Variants in OARD1 observed in about 807,000 individuals in gnomAD.
OARD1 encodes the protein ADP-ribose glycohydrolase OARD1.
In OARD1, 19 loss-of-function variants were observed where a neutral mutation model predicts 19.7. The ratio of observed to expected loss-of-function variants is 0.96; its 90% CI spans 0.67 to 1.41. The LOEUF (loss-of-function observed/expected upper bound fraction) is 1.41, where lower values mean the gene tolerates loss of function less well. Among genes scored for constraint, OARD1 ranks in the 40% most tolerant of loss-of-function variants. The pLI, the probability that OARD1 is intolerant of heterozygous loss-of-function variation, is 0.00. For missense variants in OARD1, 190 were observed against 183.8 expected (o/e 1.03, Z -0.20); for synonymous variants, 70 against 61.8 (o/e 1.13, Z -0.62).
chr6:41,097,493 A>T (rs1273331890), intron 1 of OARD1: 1 of 1,425,048 alleles, frequency 7.0e-7, no homozygotes, highest in Non-Finnish European at 9.9e-7. Flanking sequence ...TGGGACATTG[A>T]TGATCACATT....
chr6:41,082,385 G>C (rs547498138), intron 1 of OARD1, among the ~76,000 whole-genome samples: 47 of 152,184 alleles, frequency 3.1e-4, no homozygotes, highest in Non-Finnish European at 4.6e-4. Flanking sequence ...ACCCCTTGTG[G>C]AATAGGAATG....
At chr6:41,082,624 A>G (rs190065825) in intron 1 of OARD1, among the ~76,000 whole-genome samples, 204 of 152,340 alleles carry the variant, frequency 1.3e-3, no homozygotes, top group Middle Eastern at 3.4e-3. Context: ...AGAAGTGGAA[A>G]CACTTTATGG....
intron 1 of OARD1, among the ~76,000 whole-genome samples, chr6:41,096,581 C>T (rs1764362657): frequency 6.6e-6 from 1 of 152,216 alleles, no homozygotes; most frequent in South Asian, 2.1e-4. Flanking sequence ...TGTTTTTGCT[C>T]ATTGTTCAAG....
intron 1 of OARD1, among the ~76,000 whole-genome samples, chr6:41,088,897 T>C (rs1308061848): frequency 6.6e-6 from 1 of 152,158 alleles, no homozygotes; most frequent in Non-Finnish European, 1.5e-5. Context: ...ATTTTTAATA[T>C]ATATAGTATT....
At chr6:41,080,814 CA>C (rs1433901213) in intron 1 of OARD1, 4 of 1,613,112 alleles carry the variant, frequency 2.5e-6, no homozygotes, top group Non-Finnish European at 2.5e-6. Flanking sequence ...TTCTCAGCAG[CA>C]GGGTGGTGTC....
At chr6:41,075,368 C>G (rs1332772507), upstream of OARD1, 1 of 152,142 alleles carries the variant, frequency 6.6e-6, no homozygotes, top group Non-Finnish European at 1.5e-5. Context: ...GATGTTTTAA[C>G]CTTAGTATTT....
intron 1 of OARD1, among the ~76,000 whole-genome samples, chr6:41,083,693 C>T (rs139036009): frequency 6.6e-6 from 1 of 152,352 alleles, no homozygotes; most frequent in Non-Finnish European, 1.5e-5. Flanking sequence ...CCAGCCTTCA[C>T]TACAGACCAT....
intron 5 of OARD1, among the ~76,000 whole-genome samples, chr6:41,068,273 G>C (rs549588062): frequency 1.3e-5 from 2 of 152,248 alleles, no homozygotes; most frequent in African/African-American, 2.4e-5. Flanking sequence ...TTCCTGAAAA[G>C]AAAGCAAAGG....
chr6:41,068,987 A>G, intron 4 of OARD1, 34 bp from the exon 5 acceptor site: 1 of 1,182,694 alleles, frequency 8.5e-7, no homozygotes, highest in Non-Finnish European at 1.2e-6. Flanking sequence ...TCATCATCCC[A>G]AAATGATAGC....
intron 1 of OARD1, chr6:41,089,793 T>C: frequency 6.6e-7 from 1 of 1,523,420 alleles, no homozygotes; most frequent in Non-Finnish European, 8.8e-7. Context: ...ATGTATAGCA[T>C]GTATAGTAGA....
At chr6:41,097,699 C>A in intron 1 of OARD1, 1 of 314,226 alleles carries the variant, frequency 3.2e-6, no homozygotes, top group Non-Finnish European at 6.0e-6. Context: ...CCCAGCAGTA[C>A]ACAAAGCACT....
rs1286167331 is a variant in OARD1 at position 41,093,598 on chromosome 6, G to A, written c.-42+4115C>T. ...TGATTCTCCTGCCTCAGCCTCCTGA[G>A]TAGCTGGGATTACAGGTGTGCGCCA... is the stretch of plus-strand genomic sequence containing the variant. On this transcript the variant is annotated intron_variant, in intron 1 of 4. Transcript: ENST00000480585. Among the ~76,000 whole-genome samples the A allele has an allele frequency of 2.6e-5, 4 of 152,038 alleles. No homozygotes were observed. The East Asian group carries it at 7.7e-4, about 29-fold the overall frequency.
upstream of OARD1, among the ~76,000 whole-genome samples, chr6:41,077,542 G>A (rs1407729386): frequency 4.0e-5 from 3 of 75,548 alleles, no homozygotes; most frequent in African/African-American, 2.4e-4. Flanking sequence ...AGCCATAAAT[G>A]TATTGTGTAT....
chr6:41,068,551 T>C (rs1376280110), intron 5 of OARD1, among the ~76,000 whole-genome samples: 1 of 152,246 alleles, frequency 6.6e-6, no homozygotes, highest in African/African-American at 2.4e-5. Context: ...CAGAGGGTGC[T>C]GAGAATTCAA....
At chr6:41,094,621 G>T in intron 1 of OARD1, 1 of 656,866 alleles carries the variant, frequency 1.5e-6, no homozygotes, top group East Asian at 2.8e-5. Flanking sequence ...TAAACTGGAT[G>T]CAATCTTATG....
chr6:41,092,793 AC>A, intron 1 of OARD1: 1 of 946,936 alleles, frequency 1.1e-6, no homozygotes, highest in Non-Finnish European at 1.6e-6. Flanking sequence ...TTACCCAAGT[AC>A]CCTATAAAAA....
At position 41,071,274 on chromosome 6, in the gene OARD1, G is replaced by C; in HGVS notation, c.42C>G (p.Ile14Met). The C allele has an allele frequency of 6.2e-7, 1 of 1,612,738 alleles. No individual in the cohort carries two copies. Among genetic ancestry groups the C allele is most frequent in the Non-Finnish European group, 8.5e-7 (1 of 1,179,272 alleles). The change falls in exon 3 of 6, where the codon ATC becomes ATG. Residue 14 changes from isoleucine to methionine, a missense_variant and splice_region_variant. Transcript: ENST00000424266. ...CAAAAAGGTCTCCTTTCACATAAGT[G>C]ATCTAAAAAATGTGCAAAGGAAAAG... ...SLNEDPEGSR[I>M]TYVKGDLFAC... is the part of the protein sequence containing the mutation.
At chr6:41,076,919 C>T (rs890917994), upstream of OARD1, among the ~76,000 whole-genome samples, 4 of 152,156 alleles carry the variant, frequency 2.6e-5, no homozygotes, top group Admixed American at 1.3e-4. Flanking sequence ...ATCACTCTGT[C>T]ATTAATGTGA....
At chr6:41,086,903 G>C (rs1307089484) in intron 1 of OARD1, among the ~76,000 whole-genome samples, 2 of 151,870 alleles carry the variant, frequency 1.3e-5, no homozygotes, top group African/African-American at 4.8e-5. Flanking sequence ...AAGTAAACTT[G>C]GAAAATTCAA....
Sources: allele counts gnomAD v4.1 joint callset (sites outside exome capture counted in the v4.1 genomes callset), GRCh38; gene constraint gnomAD v4.1.1; transcripts MANE v1.5; gene names NCBI Gene and HGNC (gene_info 2026-07-23, HGNC 2026-07-21).